Variants in KCNAB2 observed in about 807,000 individuals in gnomAD.
KCNAB2 encodes voltage-gated potassium channel subunit beta-2.
A neutral mutation model predicts 63.6 loss-of-function variants in KCNAB2; 29 were observed. The ratio of observed to expected loss-of-function variants is 0.46; its 90% confidence interval spans 0.34 to 0.62. KCNAB2 has a LOEUF of 0.62. KCNAB2 is among the 20% of genes least tolerant of loss of function. The pLI, the probability that KCNAB2 is intolerant of heterozygous loss-of-function variation, is 0.01. For missense variants in KCNAB2, 359 were observed against 563.9 expected (o/e 0.64, Z 3.68); for synonymous variants, 222 against 224.2 (o/e 0.99, Z 0.09).
At chr1:6,081,186 G>A (rs529963135) in intron 4 of KCNAB2, among the ~76,000 whole-genome samples, 4 of 152,212 alleles carry the variant, frequency 2.6e-5, no homozygotes, top group South Asian at 2.1e-4. Context: ...CATTTAGCTC[G>A]GGCAGTCATT....
At chr1:6,018,176 C>T (rs1003808002) in intron 1 of KCNAB2, among the ~76,000 whole-genome samples, 1 of 148,446 alleles carries the variant, frequency 6.7e-6, no homozygotes, top group Non-Finnish European at 1.5e-5. Flanking sequence ...AGCAATCCTC[C>T]CACCACAGCC....
chr1:6,040,484 C>G (rs947173532), intron 1 of KCNAB2: 1 of 1,170,092 alleles, frequency 8.5e-7, no homozygotes, highest in African/African-American at 1.5e-5. Context: ...AACCACCACC[C>G]TCTTCCCCTC....
intron 1 of KCNAB2, among the ~76,000 whole-genome samples, chr1:5,995,340 G>A (rs1482641388): frequency 6.6e-6 from 1 of 152,296 alleles, no homozygotes; most frequent in Middle Eastern, 3.4e-3. Context: ...AGGCAGTGAC[G>A]GAGCTGGGTT....
At chr1:6,067,515 A>G (rs1375333293) in intron 2 of KCNAB2, among the ~76,000 whole-genome samples, 1 of 152,226 alleles carries the variant, frequency 6.6e-6, no homozygotes, top group Non-Finnish European at 1.5e-5. Context: ...AAACCGTGTC[A>G]TCTAAGCCAA....
At position 6,035,401 on chromosome 1, in the gene KCNAB2, C is replaced by T. The variant is rs1054540129; in HGVS notation, c.-53+607C>T. On this transcript the variant is annotated intron_variant, in intron 1 of 15. Transcript: ENST00000164247. The surrounding 1 kb of genome is among the most constrained non-coding windows in gnomAD (Gnocchi z 5.0). ...ATCACCCTGGCCGCGTAGAGTCTGC[C>T]GGCGGGGGTGGAGGTGGGCGCAGGG... Among the ~76,000 whole-genome samples, 3 of 152,058 alleles carry T rather than the reference C, an allele frequency of 2.0e-5. No homozygotes were observed. The highest frequency in any genetic ancestry group is 6.5e-5 in the Admixed American group (1 of 15,270).
rs913076431 is a variant in KCNAB2 at position 6,028,974 on chromosome 1, C to T, written c.-52-11543C>T. 5.9e-5 allele frequency among the ~76,000 whole-genome samples: 9 copies of T among 152,220 alleles called. No individual in the cohort carries two copies. The highest frequency in any genetic ancestry group is 1.7e-4 in the African/African-American group (7 of 41,446). ...CTAAGCGCCACAAGTCCCGCCATGA[C>T]GCCCTGAGGCGTGGGTTCACACTTG... On this transcript the variant is annotated intron_variant, in intron 1 of 16. Coordinates refer to the KCNAB2 transcript ENST00000341524. This position sits in a 1 kb window ranked among gnomAD's most constrained non-coding sequence, Gnocchi z 4.0.
chr1:6,047,300 G>C (rs1661008654), intron 1 of KCNAB2, among the ~76,000 whole-genome samples: 1 of 152,200 alleles, frequency 6.6e-6, no homozygotes, highest in Non-Finnish European at 1.5e-5. Flanking sequence ...TTCGTCCAAG[G>C]ACCTGACGCT....
Position 6,028,426 on chromosome 1 carries a change from G to A in KCNAB2, c.-52-12091G>A, listed in dbSNP as rs569793734. Among the ~76,000 whole-genome samples the A allele has an allele frequency of 8.5e-5, 13 of 152,320 alleles. No homozygotes were observed. In the East Asian group the frequency reaches 9.6e-4, roughly 11 times the overall value. Reference sequence around the variant, plus strand: ...CGGGGGCTTGGCAGGGGGGACCTCCGGGGTTCCAGAAGCAACATGCAAAAT... The same window carrying A: ...CGGGGGCTTGGCAGGGGGGACCTCCAGGGTTCCAGAAGCAACATGCAAAAT... On this transcript the variant is annotated intron_variant, in intron 1 of 16. Transcript: ENST00000341524. The surrounding 1 kb of genome is among the most constrained non-coding windows in gnomAD (Gnocchi z 4.0).
chr1:6,094,536 G>A lies in KCNAB2; in HGVS notation c.732+51G>A, dbSNP rs566373883. The A allele has an allele frequency of 4.2e-5, 61 of 1,455,944 alleles. 1 individual carries two copies. Among genetic ancestry groups the A allele is most frequent in the South Asian group, 4.1e-4 (34 of 83,334 alleles). 90.2% of individuals were successfully genotyped at this position (1,455,944 alleles called of 1,614,324 possible). A position where few individuals can be genotyped will look rare whatever the true frequency, so the allele number is the denominator to read the frequency against. ...TGTCCAGGCACAGACTCCCGGCACC[G>A]GCTGCGTATGGAGACCCCAAAGCTC... is the stretch of plus-strand genomic sequence containing the variant. On this transcript the variant is annotated intron_variant, in intron 11 of 15. Transcript: ENST00000378083.
chr1:6,012,155 G>A (rs1466251857), intron 1 of KCNAB2, among the ~76,000 whole-genome samples: 4 of 151,092 alleles, frequency 2.6e-5, no homozygotes, highest in African/African-American at 9.8e-5. Context: ...TGGAGGTGAT[G>A]AAGGTGGAGG....
intron 1 of KCNAB2, among the ~76,000 whole-genome samples, chr1:6,026,652 G>A (rs1022553090): frequency 3.3e-5 from 5 of 152,238 alleles, no homozygotes; most frequent in Non-Finnish European, 5.9e-5. Context: ...GCCCAACGCA[G>A]CCCGGCCCTT....
At chr1:6,030,940 G>GTGTGTGTTGGGAGAGGCAGCA (rs1553119671), upstream of KCNAB2, among the ~76,000 whole-genome samples, 1 of 151,784 alleles carries the variant, frequency 6.6e-6, no homozygotes, top group Non-Finnish European at 1.5e-5. Flanking sequence ...GTGTGTGTGT[G>GTGTGTGTTGGGAGAGGCAGCA]TGTGTGTTGG....
intron 1 of KCNAB2, among the ~76,000 whole-genome samples, chr1:6,046,928 A>C (rs1660973238): frequency 6.6e-6 from 1 of 152,190 alleles, no homozygotes; most frequent in South Asian, 2.1e-4. Flanking sequence ...TACTGACTTA[A>C]TGAGGTTAAC....
At chr1:6,021,991 C>T (rs761617380) in intron 1 of KCNAB2, among the ~76,000 whole-genome samples, 39 of 134,068 alleles carry the variant, frequency 2.9e-4, no homozygotes, top group Admixed American at 6.0e-4. Flanking sequence ...TTCAGTGGTA[C>T]GAGTGTATAG....
chr1:6,028,637 G>A lies in KCNAB2; in HGVS notation c.-52-11880G>A, dbSNP rs2100372462. On this transcript the variant is annotated intron_variant, in intron 1 of 16. Coordinates refer to the KCNAB2 transcript ENST00000341524. This position sits in a 1 kb window ranked among gnomAD's most constrained non-coding sequence, Gnocchi z 4.0. ...TACATCCGTGAAGGAAAGAGATGAA[G>A]CTCCCTGCCCAGAGGAGCTGACCTC... 6.6e-6 allele frequency among the ~76,000 whole-genome samples: 1 copy of A among 152,314 alleles called. No homozygotes were observed. Among genetic ancestry groups the A allele is most frequent in the Non-Finnish European group, 1.5e-5 (1 of 68,032 alleles).
At chr1:6,007,664 G>A (rs1025994775) in intron 1 of KCNAB2, 1 of 152,382 alleles carries the variant, frequency 6.6e-6, no homozygotes, top group East Asian at 1.9e-4. Flanking sequence ...GCTCTGAGAG[G>A]AGACTCAGCA....
chr1:6,042,811 G>A (rs1471430765), upstream of KCNAB2, among the ~76,000 whole-genome samples: 1 of 147,202 alleles, frequency 6.8e-6, no homozygotes, highest in Non-Finnish European at 1.5e-5. Context: ...GTATTTCCAT[G>A]TAGCTTTTCT....
At chr1:6,040,319 T>C (rs1660392869) in intron 1 of KCNAB2, among the ~76,000 whole-genome samples, 1 of 152,030 alleles carries the variant, frequency 6.6e-6, no homozygotes, top group Non-Finnish European at 1.5e-5. Flanking sequence ...CTCCAGCCCC[T>C]CCTGAGCCCG....
Position 6,086,050 on chromosome 1 carries a change from G to A in KCNAB2, c.425+802G>A, listed in dbSNP as rs1664671190. On this transcript the variant is annotated intron_variant, in intron 6 of 15. Transcript: ENST00000378083. The surrounding 1 kb of genome is among the most constrained non-coding windows in gnomAD (Gnocchi z 4.2). Reference sequence around the variant, plus strand: ...CCCACCTTGGGACCAACTGGGCTGAGCACTTGCCTACATTTTGAGGCTCCC... The same window carrying A: ...CCCACCTTGGGACCAACTGGGCTGAACACTTGCCTACATTTTGAGGCTCCC... 1.0e-6 allele frequency: 1 copy of A among 985,364 alleles called. No individual in the cohort carries two copies. Among genetic ancestry groups the A allele is most frequent in the Admixed American group, 6.1e-5 (1 of 16,272 alleles). The allele number at this position is 985,364 out of a possible 1,614,324, so 61.0% of individuals were successfully genotyped here.
Sources: allele counts gnomAD v4.1 joint callset (sites outside exome capture counted in the v4.1 genomes callset), GRCh38; gene constraint gnomAD v4.1.1; non-coding constraint Gnocchi (gnomAD v3.1); transcripts MANE v1.5; gene names NCBI Gene and HGNC (gene_info 2026-07-23, HGNC 2026-07-21).